The following MCM7 variants were observed in gnomAD, a reference collection of about 807,000 sequenced individuals.
MCM7 encodes the protein DNA replication licensing factor MCM7.
In MCM7, 95 loss-of-function variants were observed where a neutral mutation model predicts 83.5. That is an observed-to-expected ratio of 1.14 (90% CI 0.96 to 1.35). MCM7 has a LOEUF of 1.35. MCM7 is among the 40% of genes most tolerant of loss of function. The pLI is 0.00. For synonymous variants in MCM7, 461 were observed against 352.7 expected, an observed-to-expected ratio of 1.31 and a Z score of -3.44; for missense variants, 1,087 against 957.4, an observed-to-expected ratio of 1.14 and a Z score of -1.79.
At chr7:100,100,703 G>T (rs914552297) in intron 1 of MCM7, 18 of 989,294 alleles carry the variant, frequency 1.8e-5, no homozygotes, top group Non-Finnish European at 2.2e-5. Flanking sequence ...ACGCCCCCCC[G>T]GGCCGCAGCT....
At position 100,095,448 on chromosome 7, in the gene MCM7, C is replaced by T. The variant is rs756852194; in HGVS notation, c.1618G>A (p.Val540Met). The change falls in exon 12 of 15, where the codon GTG becomes ATG. Residue 540 changes from valine (V) to methionine (M), a missense_variant. Physicochemically the swap from Val to Met is conservative, Grantham distance 21. Coordinates refer to ENST00000303887, the MANE Select transcript of MCM7 (RefSeq NM_005916.5). ...GGGGGCTGCCGGCTGTGCTGGTGCA[C>T]ATAGGTGATGTGCTGGGCCAACCTG... ...DLRLAQHITY[V>M]HQHSRQPPSQ... The T allele has an allele frequency of 6.2e-7, 1 of 1,614,154 alleles. No homozygotes were observed. Among genetic ancestry groups the T allele is most frequent in the Admixed American group, 1.7e-5 (1 of 60,016 alleles).
At chr7:100,100,761 T>A (rs1460914814) in intron 1 of MCM7, 1 of 991,076 alleles carries the variant, frequency 1.0e-6, no homozygotes, top group Admixed American at 6.1e-5. Flanking sequence ...CGACACTCCC[T>A]CCAGCCTCCT....
chr7:100,099,041 C>A lies in MCM7; in HGVS notation c.564G>T (p.Gly188=). The A allele has an allele frequency of 6.2e-7, 1 of 1,614,138 alleles. No individual in the cohort carries two copies. Among genetic ancestry groups the A allele is most frequent in the East Asian group, 2.2e-5 (1 of 44,890 alleles). The part of the protein sequence containing the change: ...VVATYTCDQC[G]AETYQPIQSP... ...CACGTACCGGCTGGTAGGTCTCTGC[C>A]CCACACTGGTCACAAGTGTAAGTGG... Residue 188 remains glycine (G), a synonymous_variant, in exon 5 of 15, where the codon GGG becomes GGT. Transcript: ENST00000303887.
At chr7:100,100,466 CCTCCGCCACCGCA>C (rs989361783) in intron 1 of MCM7, 14 of 995,912 alleles carry the variant, frequency 1.4e-5, no homozygotes, top group Non-Finnish European at 1.4e-5. Context: ...TTCACCGGGA[CCTCCGCCACCGCA>C]CCCCGCCACC....
chr7:100,097,192 C>CA lies in MCM7; in HGVS notation c.1201+108dup, dbSNP rs779542543. 2.4e-4 allele frequency: 217 copies of CA among 918,900 alleles called. 1 individual carries two copies. The highest frequency in any genetic ancestry group is 3.2e-4 in the Non-Finnish European group (184 of 582,978). The allele number at this position is 918,900 out of a possible 1,614,324, so 56.9% of individuals were successfully genotyped here. A position where few individuals can be genotyped will look rare whatever the true frequency, so the allele number is the denominator to read the frequency against. On this transcript the variant is annotated intron_variant, in intron 10 of 14. Transcript: ENST00000303887. ...AAATGATTCTCCTGCCTCAGCCTCT[C>CA]AGAGCATTGGGATTACAGGCGTGAG...
chr7:100,095,654 G>T lies in MCM7; in HGVS notation c.1595+120C>A, dbSNP rs897319497. 7.2e-6 allele frequency: 10 copies of T among 1,391,062 alleles called. No homozygotes were observed. In the African/African-American group the frequency reaches 1.4e-4, roughly 20 times the overall value. The allele number at this position is 1,391,062 out of a possible 1,614,324, so 86.2% of individuals were successfully genotyped here. A position where few individuals can be genotyped will look rare whatever the true frequency, so the allele number is the denominator to read the frequency against. ...CCCTGAGAACCATGGACCAGCCCCT[G>T]CTGCAAAGGGGAGGCTCTGGGGTTT... is the stretch of plus-strand genomic sequence containing the variant. On this transcript the variant is annotated intron_variant, in intron 11 of 14. Coordinates refer to ENST00000303887, the MANE Select transcript of MCM7 (RefSeq NM_005916.5).
intron 1 of MCM7, chr7:100,100,471 G>A (rs1795919041): frequency 6.6e-6 from 6 of 905,546 alleles, no homozygotes; most frequent in Non-Finnish European, 7.9e-6. Flanking sequence ...CGGGACCTCC[G>A]CCACCGCACC....
Position 100,097,597 on chromosome 7 carries a change from CCCTT to C in MCM7, c.1117+13_1117+16del, listed in dbSNP as rs769079358. The C allele has an allele frequency of 6.2e-7, 1 of 1,613,170 alleles. No individual in the cohort carries two copies. Among genetic ancestry groups the C allele is most frequent in the Non-Finnish European group, 8.5e-7 (1 of 1,180,008 alleles). The stretch of plus-strand genomic sequence containing the variant: ...ATGACTTCATCCACCCTGAGCCTCT[CCCTT>C]GTTTCTTCTTACCCCGGATTTTCAT... On this transcript the variant is annotated intron_variant, in intron 9 of 14. Transcript: ENST00000303887.
rs765543234 is a variant in MCM7, at chr7:100,099,115, G to T, written c.490C>A (p.Arg164Ser). 1 of 1,614,074 alleles carries T rather than the reference G, an allele frequency of 6.2e-7. No individual in the cohort carries two copies. Among genetic ancestry groups the T allele is most frequent in the Admixed American group, 1.7e-5 (1 of 60,014 alleles). Reference protein sequence around the residue: ...ADSVGKLVTVRGIVTRVSEVK... With the variant: ...ADSVGKLVTVSGIVTRVSEVK... Reference sequence around the variant, plus strand: ...TCAGAGACACGAGTGACGATTCCACGCACAGTTACCAACTTCCCCACAGAG... The same window carrying T: ...TCAGAGACACGAGTGACGATTCCACTCACAGTTACCAACTTCCCCACAGAG... Residue 164 changes from arginine to serine, a missense_variant, in exon 5 of 15, where the codon CGT (arginine) becomes AGT (serine). Arg to Ser is a moderately radical substitution (Grantham distance 110, BLOSUM62 -1). Transcript: ENST00000303887.
At chr7:100,101,150 T>C in intron 1 of MCM7, 114 bp downstream of exon 1, 1 of 1,354,100 alleles carries the variant, frequency 7.4e-7, no homozygotes, top group Admixed American at 1.8e-5. Flanking sequence ...GCCTCTGGCC[T>C]CGCGCACCCC....
Position 100,093,115 on chromosome 7 carries a change from A to G in MCM7, c.1977T>C (p.Asp659=), listed in dbSNP as rs1454042193. 1.9e-6 allele frequency: 3 copies of G among 1,614,056 alleles called. No individual in the cohort carries two copies. The highest frequency in any genetic ancestry group is 2.5e-6 in the Non-Finnish European group (3 of 1,179,948). ...GTTCACGGACGGTGGCAAATATCACATCTGCTGGTCTCTGAGTCCTGAAGG... is the reference window on the plus strand; with the variant it reads ...GTTCACGGACGGTGGCAAATATCACGTCTGCTGGTCTCTGAGTCCTGAAGG... ...GQTARTQRPA[D]VIFATVRELV... is the part of the protein sequence containing the mutation. The change falls in exon 15 of 15, where the codon GAT becomes GAC. Residue 659 remains aspartate (D), a synonymous_variant. Transcript: ENST00000303887.
At chr7:100,099,834 G>A in intron 2 of MCM7, 81 bp from the exon 3 acceptor site, 2 of 1,568,412 alleles carry the variant, frequency 1.3e-6, no homozygotes, top group East Asian at 4.5e-5. Flanking sequence ...ATGCATCACT[G>A]AGAACTCAGC....
chr7:100,095,636 A>G (rs2116565423), intron 11 of MCM7, 138 bp downstream of exon 11: 5 of 1,353,904 alleles, frequency 3.7e-6, no homozygotes, highest in Non-Finnish European at 5.0e-6. Flanking sequence ...TTTCCCTGAG[A>G]ACCATGGACC....
At position 100,095,305 on chromosome 7, in the gene MCM7, C is replaced by T. The variant is rs901386323; in HGVS notation, c.1679+82G>A. 3.2e-6 allele frequency: 4 copies of T among 1,236,586 alleles called. No homozygotes were observed. The African/African-American group carries it at 4.5e-5, about 14-fold the overall frequency. The allele number at this position is 1,236,586 out of a possible 1,614,324, so 76.6% of individuals were successfully genotyped here. A position where few individuals can be genotyped will look rare whatever the true frequency, so the allele number is the denominator to read the frequency against. On this transcript the variant is annotated intron_variant, in intron 12 of 14. Transcript: ENST00000303887. Reference sequence around the variant, plus strand: ...GGGAAGTGGTGGTGTGAAAAACACACACCCTAAGACTAATAAGCACTTTTT... The same window carrying T: ...GGGAAGTGGTGGTGTGAAAAACACATACCCTAAGACTAATAAGCACTTTTT...
chr7:100,099,240 G>A, intron 4 of MCM7, 37 bp from the exon 5 acceptor site: 4 of 1,614,074 alleles, frequency 2.5e-6, no homozygotes, highest in Non-Finnish European at 3.4e-6. Context: ...AGATCCTGGA[G>A]AACCAATCCC....
rs566571016 is a variant in MCM7, at chr7:100,096,190, C to A, written c.1202-23G>T. 34 of 1,536,246 alleles carry A rather than the reference C, an allele frequency of 2.2e-5. No homozygotes were observed. The East Asian group carries it at 7.0e-4, about 32-fold the overall frequency. On this transcript the variant is annotated intron_variant, in intron 10 of 14. Coordinates refer to ENST00000303887, the MANE Select transcript of MCM7 (RefSeq NM_005916.5). ...GGCCTGGAAGAGAAGAAATAAGGAA[C>A]CATGAGAGAGAAAGAACAAGAAAGA...
At chr7:100,099,453 A>C in intron 3 of MCM7, 50 bp from the exon 4 acceptor site, 1 of 1,587,984 alleles carries the variant, frequency 6.3e-7, no homozygotes. Flanking sequence ...CAGGATGGGG[A>C]AAGGAGAGCA....
At chr7:100,100,692 C>T (rs1034393936) in intron 1 of MCM7, 3 of 989,962 alleles carry the variant, frequency 3.0e-6, no homozygotes, top group Middle Eastern at 5.2e-4. Flanking sequence ...GGATCCCAGG[C>T]ACGCCCCCCC....
At position 100,098,296 on chromosome 7, in the gene MCM7, G is replaced by A. The variant is rs201357621; in HGVS notation, c.721-6C>T. ...CCCACAGGCACCTGATCACTCTAGG[G>A]GAGGGAAAGGCACATAAGACTAGGA... On this transcript the variant is annotated splice_region_variant and splice_polypyrimidine_tract_variant and intron_variant, in intron 6 of 14. Transcript: ENST00000303887. 9 of 1,613,838 alleles carry A rather than the reference G, an allele frequency of 5.6e-6. No individual in the cohort carries two copies. In the East Asian group the frequency reaches 1.1e-4, roughly 20 times the overall value.
Sources: gnomAD v4.1 joint callset for allele counts on GRCh38, gnomAD v4.1.1 for gene constraint, MANE v1.5 for transcripts, NCBI Gene and HGNC (gene_info 2026-07-23, HGNC 2026-07-21) for gene names.